The following PRKN variants were observed in gnomAD, a reference collection of about 807,000 sequenced individuals.
PRKN encodes parkin RBR E3 ubiquitin protein ligase, also known as E3 ubiquitin-protein ligase parkin.
In PRKN, 56 loss-of-function variants were observed where a neutral mutation model predicts 59.5. The ratio of observed to expected loss-of-function variants is 0.94; its 90% CI spans 0.76 to 1.18. The LOEUF (loss-of-function observed/expected upper bound fraction) is 1.18. Ranked by LOEUF, PRKN falls within the 50% of genes most tolerant of loss-of-function variation. The pLI is 0.00. For missense variants in PRKN, 657 were observed against 596.4 expected, an observed-to-expected ratio of 1.10 and a Z score of -1.06; for synonymous variants, 250 against 222.1, an observed-to-expected ratio of 1.13 and a Z score of -1.12.
chr6:162,162,289 T>C (rs901942258), intron 4 of PRKN, among the ~76,000 whole-genome samples: 1 of 152,162 alleles, frequency 6.6e-6, no homozygotes, highest in African/African-American at 2.4e-5. Flanking sequence ...TTAAATTGTA[T>C]TAGGTAATCC....
At chr6:161,857,294 G>A (rs1038122319) in intron 6 of PRKN, among the ~76,000 whole-genome samples, 3 of 152,126 alleles carry the variant, frequency 2.0e-5, no homozygotes, top group Non-Finnish European at 2.9e-5. Context: ...CTATCAGAAC[G>A]GCTCAACTCT....
intron 7 of PRKN, among the ~76,000 whole-genome samples, chr6:161,611,561 T>G (rs9458318): frequency 2.6e-5 from 4 of 152,208 alleles, no homozygotes; most frequent in Non-Finnish European, 5.9e-5. Flanking sequence ...GGGAGCACCA[T>G]GAAATGTGCC....
intron 6 of PRKN, among the ~76,000 whole-genome samples, chr6:161,856,249 G>T (rs969302663): frequency 6.6e-6 from 1 of 152,030 alleles, no homozygotes; most frequent in Non-Finnish European, 1.5e-5. Flanking sequence ...AATCCCAGCT[G>T]CTCGGGAAGC....
chr6:161,366,528 A>T (rs1379820961), intron 10 of PRKN, among the ~76,000 whole-genome samples: 1 of 152,222 alleles, frequency 6.6e-6, no homozygotes, highest in Non-Finnish European at 1.5e-5. Context: ...GTATGGCCTA[A>T]GAAGGACTCC....
At chr6:161,636,241 C>A (rs975240659) in intron 7 of PRKN, among the ~76,000 whole-genome samples, 5 of 152,256 alleles carry the variant, frequency 3.3e-5, no homozygotes. Context: ...ACTGCCCCTG[C>A]TCTATCCACA....
At chr6:161,956,678 G>A (rs1583402792) in intron 6 of PRKN, among the ~76,000 whole-genome samples, 1 of 151,966 alleles carries the variant, frequency 6.6e-6, no homozygotes, top group Non-Finnish European at 1.5e-5. Context: ...TCTCCATATG[G>A]ACTAGGAGTT....
intron 9 of PRKN, among the ~76,000 whole-genome samples, chr6:161,427,021 C>T (rs751942833): frequency 6.6e-6 from 1 of 151,744 alleles, no homozygotes; most frequent in Non-Finnish European, 1.5e-5. Flanking sequence ...TCCTGGCCTA[C>T]TTACTTATAT....
chr6:161,688,275 C>T lies in PRKN; in HGVS notation c.871+97497G>A, dbSNP rs185909995. 3.9e-5 allele frequency among the ~76,000 whole-genome samples: 6 copies of T among 152,314 alleles called. No individual in the cohort carries two copies. The East Asian group carries it at 5.8e-4, about 15-fold the overall frequency. ...AGTGCCAGGACCATCATGGGAAAGTCGTCCTTTTGGCTGTTCCGGAAGAAG... is the reference window on the plus strand; with the variant it reads ...AGTGCCAGGACCATCATGGGAAAGTTGTCCTTTTGGCTGTTCCGGAAGAAG... On this transcript the variant is annotated intron_variant, in intron 7 of 11. Coordinates refer to ENST00000366898, the MANE Select transcript of PRKN (RefSeq NM_004562.3).
At chr6:162,420,627 G>A (rs1278002188) in intron 2 of PRKN, among the ~76,000 whole-genome samples, 1 of 152,140 alleles carries the variant, frequency 6.6e-6, no homozygotes, top group Admixed American at 6.5e-5. Context: ...ATGTTCTGAG[G>A]AGTAATATGG....
chr6:162,572,595 A>G (rs10080731), intron 1 of PRKN, among the ~76,000 whole-genome samples: 34,122 of 152,048 alleles, frequency 0.22, 4,602 homozygotes, highest in African/African-American at 0.38. Context: ...ATTTTACAGT[A>G]TTTGGGGCAC....
intron 2 of PRKN, among the ~76,000 whole-genome samples, chr6:162,314,270 C>T (rs1323878205): frequency 6.6e-6 from 1 of 152,140 alleles, no homozygotes; most frequent in Non-Finnish European, 1.5e-5. Flanking sequence ...AAATAGGATT[C>T]TAAACATCAG....
intron 4 of PRKN, among the ~76,000 whole-genome samples, chr6:162,102,536 TCTTCGACTGCTCATGCTGCATTCTGGAGA>T (rs1780014688): frequency 6.6e-6 from 1 of 152,220 alleles, no homozygotes; most frequent in Non-Finnish European, 1.5e-5. Context: ...ATAAATATTT[TCTTCGACTGCTCATGCTGCATTCTGGAGA>T]CGACCTTCAC....
At chr6:161,937,775 ATGT>A (rs1338488615) in intron 6 of PRKN, among the ~76,000 whole-genome samples, 2 of 152,176 alleles carry the variant, frequency 1.3e-5, no homozygotes, top group Non-Finnish European at 2.9e-5. Context: ...TGTTTGCATG[ATGT>A]TGTTGTAATA....
At chr6:162,538,632 A>G (rs116962890) in intron 1 of PRKN, among the ~76,000 whole-genome samples, 1 of 152,128 alleles carries the variant, frequency 6.6e-6, no homozygotes, top group African/African-American at 2.4e-5. Flanking sequence ...TCCAGACAGA[A>G]TCTCTGAGGC....
At chr6:162,591,430 C>T (rs563148829) in intron 1 of PRKN, among the ~76,000 whole-genome samples, 36 of 152,040 alleles carry the variant, frequency 2.4e-4, no homozygotes, top group Non-Finnish European at 4.6e-4. Flanking sequence ...TATGTTGTTA[C>T]GTGCATTGAA....
intron 4 of PRKN, among the ~76,000 whole-genome samples, chr6:162,155,505 A>C (rs1782474555): frequency 6.6e-6 from 1 of 152,168 alleles, no homozygotes; most frequent in African/African-American, 2.4e-5. Flanking sequence ...AACATCAGAG[A>C]CAGCAAGCAG....
chr6:161,850,555 A>G (rs1206903383), intron 6 of PRKN, among the ~76,000 whole-genome samples: 2 of 143,882 alleles, frequency 1.4e-5, no homozygotes, highest in Non-Finnish European at 3.0e-5. Context: ...CAGCCTGGTG[A>G]CAGAGCGAGA....
Position 162,382,672 on chromosome 6 carries a change from A to C in PRKN, c.171+60638T>G, listed in dbSNP as rs573861795. Among the ~76,000 whole-genome samples the C allele has an allele frequency of 4.6e-5, 7 of 152,294 alleles. No individual in the cohort carries two copies. The South Asian group carries it at 1.4e-3, about 32-fold the overall frequency. On this transcript the variant is annotated intron_variant, in intron 2 of 11. Coordinates refer to ENST00000366898, the MANE Select transcript of PRKN (RefSeq NM_004562.3). Reference sequence around the variant, plus strand: ...GCTAGAAGTTGGGATGACTGTGGCAATTTCTTATAAAAAGACAACAGTGAA... The same window carrying C: ...GCTAGAAGTTGGGATGACTGTGGCACTTTCTTATAAAAAGACAACAGTGAA...
At chr6:161,494,446 T>TGGA (rs1322451181) in intron 9 of PRKN, among the ~76,000 whole-genome samples, 5 of 152,246 alleles carry the variant, frequency 3.3e-5, no homozygotes, top group African/African-American at 9.6e-5. Context: ...TTAAGGAGAG[T>TGGA]GGAGACCTTG....
Sources: allele counts gnomAD v4.1 joint callset (sites outside exome capture counted in the v4.1 genomes callset), GRCh38; gene constraint gnomAD v4.1.1; transcripts MANE v1.5; gene names NCBI Gene and HGNC (gene_info 2026-07-23, HGNC 2026-07-21).